Variants in DNMT3A observed in about 807,000 individuals in gnomAD.
DNMT3A encodes DNA methyltransferase 3 alpha, also known as DNA (cytosine-5)-methyltransferase 3A.
Under a neutral mutation model 117.6 loss-of-function variants are expected in DNMT3A, and 267 were observed. The ratio of observed to expected loss-of-function variants is 2.27; its 90% CI spans 2.05 to 2.51. The LOEUF is 2.51. Among genes scored for constraint, DNMT3A ranks in the 30% most tolerant of loss-of-function variants. The pLI, the probability that DNMT3A is intolerant of heterozygous loss-of-function variation, is 0.00. For synonymous variants in DNMT3A, 432 were observed against 474.8 expected, an observed-to-expected ratio of 0.91 and a Z score of 1.17; for missense variants, 1,029 against 1,260.2, an observed-to-expected ratio of 0.82 and a Z score of 2.78.
chr2:25,321,025 G>A (rs916402429), intron 1 of DNMT3A, among the ~76,000 whole-genome samples: 4 of 152,048 alleles, frequency 2.6e-5, no homozygotes, highest in Non-Finnish European at 4.4e-5. Context: ...CCAGCTACTC[G>A]GGAAGGCTGA....
intron 3 of DNMT3A, among the ~76,000 whole-genome samples, chr2:25,287,936 G>A (rs1006986899): frequency 2.0e-5 from 3 of 151,766 alleles, no homozygotes; most frequent in African/African-American, 4.8e-5. Flanking sequence ...CTGGGTTCAA[G>A]CGATTCTCCT....
At chr2:25,268,485 G>T (rs1197220970) in intron 6 of DNMT3A, among the ~76,000 whole-genome samples, 1 of 152,194 alleles carries the variant, frequency 6.6e-6, no homozygotes, top group East Asian at 1.9e-4. Context: ...CTACAGGGAG[G>T]GCTAATGAAG....
At chr2:25,330,890 G>A (rs535335146) in intron 1 of DNMT3A, among the ~76,000 whole-genome samples, 199 of 152,350 alleles carry the variant, frequency 1.3e-3, no homozygotes, top group African/African-American at 4.7e-3. Flanking sequence ...CAGGTTTGCA[G>A]GGAATAATTG....
intron 10 of DNMT3A, 136 bp downstream of exon 10, chr2:25,246,484 C>A: frequency 1.4e-6 from 2 of 1,445,018 alleles, no homozygotes; most frequent in Non-Finnish European, 1.9e-6. Context: ...GACCCCAGGG[C>A]AAGAGAGACC....
Position 25,285,175 on chromosome 2 carries a change from A to T in DNMT3A, c.178-2464T>A, listed in dbSNP as rs142805526. ...GCAGAGATACTGCCAAATTCCCTCC[A>T]GAGTTTCCCACCACTCAAGTGCACA... On this transcript the variant is annotated intron_variant, in intron 3 of 22. Transcript: ENST00000321117. Among the ~76,000 whole-genome samples, 32 of 152,346 alleles carry T rather than the reference A, an allele frequency of 2.1e-4. No individual in the cohort carries two copies. The East Asian group carries it at 6.2e-3, about 29-fold the overall frequency.
chr2:25,313,404 C>T (rs900892700), intron 2 of DNMT3A, among the ~76,000 whole-genome samples: 3 of 152,188 alleles, frequency 2.0e-5, no homozygotes, highest in Non-Finnish European at 4.4e-5. Flanking sequence ...TGTGCTGGCG[C>T]CACACTGAGC....
intron 6 of DNMT3A, among the ~76,000 whole-genome samples, chr2:25,259,912 C>CA (rs1676464360): frequency 1.3e-5 from 2 of 152,248 alleles, no homozygotes; most frequent in Non-Finnish European, 2.9e-5. Context: ...CGAAAGGAAA[C>CA]ATTTAAATTC....
intron 3 of DNMT3A, among the ~76,000 whole-genome samples, chr2:25,284,874 A>T (rs2032183268): frequency 6.6e-6 from 1 of 151,906 alleles, no homozygotes; most frequent in Non-Finnish European, 1.5e-5. Context: ...AGATCCAGAA[A>T]TGTTTTTTTC....
rs2033346368 is a variant in DNMT3A, at chr2:25,300,163, A to C, written c.153T>G (p.Pro51=). The C allele has an allele frequency of 6.2e-7, 1 of 1,613,424 alleles. No homozygotes were observed. Among genetic ancestry groups the C allele is most frequent in the Non-Finnish European group, 8.5e-7 (1 of 1,179,970 alleles). The change falls in exon 3 of 23, where the codon CCT becomes CCG. Residue 51 remains proline, a synonymous_variant. Coordinates refer to ENST00000321117, the MANE Select transcript of DNMT3A (RefSeq NM_022552.5). ...PSTTARKVGR[P]GRKRKHPPVE... Reference sequence around the variant, plus strand: ...CCGGGGGGTGCTTGCGCTTCCTCCCAGGCCGCCCCACCTTCCGTGCCGTGG... The same window carrying C: ...CCGGGGGGTGCTTGCGCTTCCTCCCCGGCCGCCCCACCTTCCGTGCCGTGG...
At chr2:25,334,441 C>T (rs1249530279) in intron 1 of DNMT3A, among the ~76,000 whole-genome samples, 1 of 152,150 alleles carries the variant, frequency 6.6e-6, no homozygotes, top group Non-Finnish European at 1.5e-5. Flanking sequence ...GTGTGGCCTC[C>T]CAAGAGGCTC....
At position 25,300,163 on chromosome 2, in the gene DNMT3A, A is replaced by G; in HGVS notation, c.153T>C (p.Pro51=). The G allele has an allele frequency of 1.2e-6, 2 of 1,613,424 alleles. No individual in the cohort carries two copies. The highest frequency in any genetic ancestry group is 8.5e-7 in the Non-Finnish European group (1 of 1,179,970). ...CCGGGGGGTGCTTGCGCTTCCTCCC[A>G]GGCCGCCCCACCTTCCGTGCCGTGG... is the stretch of plus-strand genomic sequence containing the variant. ...PSTTARKVGR[P]GRKRKHPPVE... The change falls in exon 3 of 23, where the codon CCT becomes CCC. Residue 51 remains proline (P), a synonymous_variant. Coordinates refer to ENST00000321117, the MANE Select transcript of DNMT3A (RefSeq NM_022552.5).
At chr2:25,244,071 C>G (rs1573325749) in intron 15 of DNMT3A, 84 bp downstream of exon 15, 1 of 1,594,494 alleles carries the variant, frequency 6.3e-7, no homozygotes, top group Admixed American at 1.7e-5. Flanking sequence ...GCTCCTAGAC[C>G]CACACACCCT....
At chr2:25,336,791 T>A (rs1034553595) in intron 1 of DNMT3A, among the ~76,000 whole-genome samples, 5 of 151,972 alleles carry the variant, frequency 3.3e-5, no homozygotes, top group African/African-American at 1.2e-4. Flanking sequence ...CCAGTCCACC[T>A]CCCGGGCACT....
chr2:25,266,139 T>C (rs1331757648), intron 6 of DNMT3A, among the ~76,000 whole-genome samples: 4 of 152,222 alleles, frequency 2.6e-5, no homozygotes, highest in Non-Finnish European at 5.9e-5. Context: ...GTGGCAACTT[T>C]AGTAGCCTAT....
At chr2:25,303,576 T>G (rs931355415) in intron 2 of DNMT3A, among the ~76,000 whole-genome samples, 2 of 152,208 alleles carry the variant, frequency 1.3e-5, no homozygotes, top group African/African-American at 4.8e-5. Flanking sequence ...CCACACCTGG[T>G]GCAAGGAGCT....
At position 25,239,129 on chromosome 2, in the gene DNMT3A, C is replaced by A; in HGVS notation, c.2408+1G>T. 2 of 1,613,912 alleles carry A rather than the reference C, an allele frequency of 1.2e-6. No homozygotes were observed. Among genetic ancestry groups the A allele is most frequent in the Non-Finnish European group, 1.7e-6 (2 of 1,179,844 alleles). ...CCCCAGGCCCAGGAGCTTTCACCAA[C>A]CTGTTCATACCGGGAAGGTTACCCC... On this transcript the variant is annotated splice_donor_variant, in intron 20 of 22. Coordinates refer to ENST00000321117, the MANE Select transcript of DNMT3A (RefSeq NM_022552.5). LOFTEE classifies it high-confidence loss of function.
intron 6 of DNMT3A, among the ~76,000 whole-genome samples, chr2:25,249,260 T>C (rs758163609): frequency 6.6e-6 from 1 of 152,226 alleles, no homozygotes; most frequent in Non-Finnish European, 1.5e-5. Flanking sequence ...CCCTCTCTTC[T>C]TCTCCACAAT....
intron 13 of DNMT3A, 39 bp from the exon 14 acceptor site, chr2:25,244,691 G>T (rs756161028): frequency 1.3e-6 from 2 of 1,587,746 alleles, no homozygotes; most frequent in Non-Finnish European, 1.7e-6. Context: ...CACCAGGACG[G>T]GTCCCAGGAC....
rs894479021 is a variant in DNMT3A, at chr2:25,236,251, G to C, written c.2479-426C>G. Among the ~76,000 whole-genome samples the C allele has an allele frequency of 2.0e-5, 3 of 152,124 alleles. No individual in the cohort carries two copies. The highest frequency in any genetic ancestry group is 2.9e-5 in the Non-Finnish European group (2 of 68,014). On this transcript the variant is annotated intron_variant, in intron 21 of 22. Coordinates refer to ENST00000321117, the MANE Select transcript of DNMT3A (RefSeq NM_022552.5). This position sits in a 1 kb window ranked among gnomAD's most constrained non-coding sequence, Gnocchi z 4.5. ...TGGCTAATTTTTATATTTTTAGTCA[G>C]ACAGGGTTTCACCGTGTCGGCCAGG...
Sources: gnomAD v4.1 joint callset for allele counts (sites outside exome capture counted in the v4.1 genomes callset) on GRCh38, gnomAD v4.1.1 for gene constraint, Gnocchi (gnomAD v3.1) non-coding constraint, MANE v1.5 for transcripts, NCBI Gene and HGNC (gene_info 2026-07-23, HGNC 2026-07-21) for gene names.